LRMDA: variants seen among roughly 807,000 people sequenced by gnomAD.
LRMDA encodes leucine rich melanocyte differentiation associated, also known as leucine-rich melanocyte differentiation-associated protein.
Under a neutral mutation model 29.8 loss-of-function variants are expected in LRMDA, and 18 were observed. The observed-to-expected ratio is 0.60, with a 90% CI of 0.42 to 0.90. The LOEUF (loss-of-function observed/expected upper bound fraction) is 0.90, where lower values mean the gene tolerates loss of function less well. Among genes scored for constraint, LRMDA ranks in the 40% least tolerant of loss-of-function variants. The pLI is 0.00. For synonymous variants in LRMDA, 125 were observed against 109.4 expected, an observed-to-expected ratio of 1.14 and a Z score of -0.89; for missense variants, 273 against 273.9, an observed-to-expected ratio of 1.00 and a Z score of 0.02.
intron 2 of LRMDA, among the ~76,000 whole-genome samples, chr10:75,545,468 T>G (rs571863286): frequency 3.8e-4 from 58 of 152,328 alleles, no homozygotes; most frequent in Non-Finnish European, 7.9e-4. Context: ...AGCCTCAGTT[T>G]CTTTCTCTGC....
intron 2 of LRMDA, among the ~76,000 whole-genome samples, chr10:75,988,294 C>T (rs1442879661): frequency 6.6e-6 from 1 of 152,162 alleles, no homozygotes; most frequent in Non-Finnish European, 1.5e-5. Flanking sequence ...TCAGTTTTCT[C>T]TTTCCTATCC....
chr10:76,155,954 GC>G (rs1224238354), intron 5 of LRMDA, among the ~76,000 whole-genome samples: 4 of 152,116 alleles, frequency 2.6e-5, no homozygotes, highest in African/African-American at 9.7e-5. Flanking sequence ...CTAATTGTAA[GC>G]CAAGTCTTAC....
chr10:75,437,761 G>T (rs1418597031), intron 1 of LRMDA, among the ~76,000 whole-genome samples: 8 of 152,216 alleles, frequency 5.3e-5, no homozygotes, highest in Non-Finnish European at 1.2e-4. Flanking sequence ...GGGATTGACT[G>T]CCAAAGGGCC....
chr10:75,711,753 G>T (rs1179199674), intron 2 of LRMDA, among the ~76,000 whole-genome samples: 1 of 152,080 alleles, frequency 6.6e-6, no homozygotes, highest in African/African-American at 2.4e-5. Flanking sequence ...ACATACTCAG[G>T]CAGAACACTG....
chr10:75,491,331 A>T (rs1236590003), intron 2 of LRMDA, among the ~76,000 whole-genome samples: 1 of 152,186 alleles, frequency 6.6e-6, no homozygotes, highest in African/African-American at 2.4e-5. Flanking sequence ...TTTGCACTCC[A>T]TCCCCCTGGG....
intron 2 of LRMDA, among the ~76,000 whole-genome samples, chr10:75,910,573 TATGTA>T (rs1353471367): frequency 5.3e-5 from 8 of 152,202 alleles, no homozygotes; most frequent in African/African-American, 1.7e-4. Flanking sequence ...CTTAGGACTC[TATGTA>T]ATGTAAAGGC....
chr10:75,789,966 C>A (rs1288852552), intron 2 of LRMDA, among the ~76,000 whole-genome samples: 2 of 151,924 alleles, frequency 1.3e-5, no homozygotes, highest in Non-Finnish European at 2.9e-5. Flanking sequence ...AGCAGGCAAC[C>A]AAATATACGA....
intron 2 of LRMDA, among the ~76,000 whole-genome samples, chr10:75,648,960 T>C (rs1032408177): frequency 3.3e-5 from 5 of 152,204 alleles, no homozygotes; most frequent in Non-Finnish European, 7.3e-5. Flanking sequence ...TGTGGTCCCA[T>C]GTAACCCATT....
At chr10:75,966,086 G>A (rs1846854080) in intron 2 of LRMDA, among the ~76,000 whole-genome samples, 2 of 152,176 alleles carry the variant, frequency 1.3e-5, no homozygotes. Flanking sequence ...ATCCCAGGGT[G>A]CAATGCTAGT....
chr10:76,422,876 T>C (rs1424011371), intron 6 of LRMDA, among the ~76,000 whole-genome samples: 2 of 152,248 alleles, frequency 1.3e-5, no homozygotes, highest in Non-Finnish European at 2.9e-5. Context: ...AATGGATTTA[T>C]AGCAATTTAC....
chr10:75,756,222 A>T (rs1843030424), intron 2 of LRMDA, among the ~76,000 whole-genome samples: 1 of 152,184 alleles, frequency 6.6e-6, no homozygotes, highest in African/African-American at 2.4e-5. Context: ...TTTCCTTGCA[A>T]CTAGGAGCTA....
intron 5 of LRMDA, among the ~76,000 whole-genome samples, chr10:76,310,058 T>A (rs996473947): frequency 6.6e-6 from 1 of 152,186 alleles, no homozygotes; most frequent in African/African-American, 2.4e-5. Flanking sequence ...TAGACTGTAA[T>A]TTTTTTCCTC....
chr10:76,479,021 CAT>C (rs1290718446), intron 6 of LRMDA, among the ~76,000 whole-genome samples: 1 of 151,406 alleles, frequency 6.6e-6, no homozygotes, highest in Non-Finnish European at 1.5e-5. Flanking sequence ...ACGTTGTACA[CAT>C]GTATCCTAGA....
chr10:75,745,024 G>A (rs1842873732), intron 2 of LRMDA, among the ~76,000 whole-genome samples: 1 of 152,152 alleles, frequency 6.6e-6, no homozygotes, highest in Admixed American at 6.5e-5. Context: ...TGCTCACACT[G>A]TTCCCTTCTC....
chr10:76,227,468 T>C (rs1340505747), intron 5 of LRMDA, among the ~76,000 whole-genome samples: 3 of 152,232 alleles, frequency 2.0e-5, no homozygotes, highest in Non-Finnish European at 2.9e-5. Flanking sequence ...AACTGTAATT[T>C]TTCCATCAGT....
chr10:75,936,414 A>AT (rs1296636688), intron 2 of LRMDA, among the ~76,000 whole-genome samples: 4 of 152,250 alleles, frequency 2.6e-5, no homozygotes, highest in African/African-American at 9.6e-5. Context: ...CTGGTATATA[A>AT]TTCCAGGATT....
At chr10:76,342,890 G>A (rs1841058160) in intron 6 of LRMDA, among the ~76,000 whole-genome samples, 1 of 150,336 alleles carries the variant, frequency 6.7e-6, no homozygotes, top group African/African-American at 2.4e-5. Flanking sequence ...AGTCCAGGTG[G>A]TTTTACAAGG....
intron 2 of LRMDA, among the ~76,000 whole-genome samples, chr10:75,821,408 A>G (rs545388011): frequency 6.6e-6 from 1 of 152,372 alleles, no homozygotes; most frequent in Non-Finnish European, 1.5e-5. Context: ...AATTGAAAAC[A>G]AAAATCATAT....
chr10:76,474,185 G>A (rs1170814373), intron 6 of LRMDA, among the ~76,000 whole-genome samples: 3 of 151,584 alleles, frequency 2.0e-5, no homozygotes, highest in Non-Finnish European at 4.4e-5. Context: ...TAGGAACCTC[G>A]TGCCATATAC....
Sources: allele counts gnomAD v4.1 joint callset (sites outside exome capture counted in the v4.1 genomes callset), GRCh38; gene constraint gnomAD v4.1.1; transcripts MANE v1.5; gene names NCBI Gene and HGNC (gene_info 2026-07-23, HGNC 2026-07-21).